Variants in DACH2 observed in about 807,000 individuals in gnomAD.
DACH2 encodes dachshund homolog 2.
In DACH2, 17 loss-of-function variants were observed where a neutral mutation model predicts 35.8. The ratio of observed to expected loss-of-function variants is 0.48; its 90% CI spans 0.33 to 0.71. DACH2 has a LOEUF of 0.71. Ranked by LOEUF, DACH2 falls within the 30% of genes least tolerant of loss-of-function variation. DACH2 has a pLI of 0.02. For missense variants in DACH2, 469 were observed against 472.7 expected, an observed-to-expected ratio of 0.99 and a Z score of 0.07; for synonymous variants, 195 against 177.3, an observed-to-expected ratio of 1.10 and a Z score of -0.79.
At chrX:86,266,020 C>A (rs1269815208) in intron 1 of DACH2, among the ~76,000 whole-genome samples, 2 of 111,333 alleles carry the variant, frequency 1.8e-5, no homozygotes, top group African/African-American at 3.3e-5. Flanking sequence ...TACTTTTTTA[C>A]TCTGCATGTA....
chrX:86,790,863 C>T (rs2042180625), intron 7 of DACH2, among the ~76,000 whole-genome samples: 1 of 111,395 alleles, frequency 9.0e-6, no homozygotes, highest in Admixed American at 9.6e-5. Flanking sequence ...TTTTGACTCT[C>T]CAAAAACTTA....
chrX:86,245,533 G>A (rs751316526), intron 1 of DACH2, among the ~76,000 whole-genome samples: 13 of 111,769 alleles, frequency 1.2e-4, no homozygotes, highest in East Asian at 5.6e-4. Context: ...TACTAGCCCC[G>A]CGAGGTTATA....
intron 3 of DACH2, among the ~76,000 whole-genome samples, chrX:86,522,803 A>G (rs777377113): frequency 4.5e-5 from 5 of 111,901 alleles, no homozygotes; most frequent in Non-Finnish European, 5.7e-5. Flanking sequence ...TCTGTAAAAC[A>G]TTTAGGGATA....
At chrX:86,373,293 G>T (rs1350804112) in intron 1 of DACH2, among the ~76,000 whole-genome samples, 1 of 111,315 alleles carries the variant, frequency 9.0e-6, no homozygotes. Context: ...CCTACCAAGA[G>T]TGTATAAGCA....
chrX:86,196,903 G>A (rs1043530392), intron 1 of DACH2, among the ~76,000 whole-genome samples: 1 of 109,510 alleles, frequency 9.1e-6, no homozygotes, highest in African/African-American at 3.3e-5. Flanking sequence ...TTCAGGAAAT[G>A]CAGAGAACCC....
intron 1 of DACH2, among the ~76,000 whole-genome samples, chrX:86,329,561 A>AT (rs57360476): frequency 0.15 from 15,869 of 107,973 alleles, 1,242 homozygotes; most frequent in African/African-American, 0.27. Flanking sequence ...AATCAAATAA[A>AT]TTTTTTTTTT....
At chrX:86,782,252 T>C (rs1259265282) in intron 7 of DACH2, among the ~76,000 whole-genome samples, 1 of 111,574 alleles carries the variant, frequency 9.0e-6, no homozygotes, top group Non-Finnish European at 1.9e-5. Flanking sequence ...TGTTAAAATG[T>C]CCATACTACC....
chrX:86,254,838 A>AGAGAGAGAGAGAG (rs1569318220), intron 1 of DACH2, among the ~76,000 whole-genome samples: 9 of 88,423 alleles, frequency 1.0e-4, no homozygotes, highest in African/African-American at 3.8e-4. Flanking sequence ...AGAGAGAGAG[A>AGAGAGAGAGAGAG]AGGTTTATAA....
chrX:86,733,041 G>C (rs1328301347), intron 6 of DACH2, among the ~76,000 whole-genome samples: 1 of 111,350 alleles, frequency 9.0e-6, no homozygotes, highest in Non-Finnish European at 1.9e-5. Context: ...AATTTGACCT[G>C]GTTGGTGTTT....
Position 86,622,677 on chromosome X carries a change from C to T in DACH2, c.641-28359C>T, listed in dbSNP as rs1219052814. 1.5e-4 allele frequency among the ~76,000 whole-genome samples: 17 copies of T among 111,644 alleles called. No homozygotes were observed. The Admixed American group carries it at 1.6e-3, about 11-fold the overall frequency. On this transcript the variant is annotated intron_variant, in intron 3 of 11. Coordinates refer to ENST00000373125, the MANE Select transcript of DACH2 (RefSeq NM_053281.3). ...TTGCTCATTAGTAATATAATTTTCTCCTTACCATTCATAGTTACTCCATGA... is the reference window on the plus strand; with the variant it reads ...TTGCTCATTAGTAATATAATTTTCTTCTTACCATTCATAGTTACTCCATGA...
intron 1 of DACH2, among the ~76,000 whole-genome samples, chrX:86,162,900 A>AT (rs1360952211): frequency 2.7e-5 from 3 of 110,310 alleles, no homozygotes; most frequent in African/African-American, 9.9e-5. Context: ...TTTTTAAGTT[A>AT]TTTTTTAAAA....
chrX:86,207,826 C>T (rs1030111192), intron 1 of DACH2, among the ~76,000 whole-genome samples: 6 of 111,058 alleles, frequency 5.4e-5, no homozygotes, highest in Non-Finnish European at 1.1e-4. Context: ...GCTTACACAT[C>T]CTAAAAAGGA....
intron 1 of DACH2, among the ~76,000 whole-genome samples, chrX:86,338,122 C>T (rs67551798): frequency 0.2 from 22,091 of 110,622 alleles, 2,702 homozygotes; most frequent in African/African-American, 0.45. Context: ...CAGACAGATA[C>T]TTTAACATCC....
At chrX:86,447,126 AC>A (rs1372186092) in intron 2 of DACH2, among the ~76,000 whole-genome samples, 1 of 98,575 alleles carries the variant, frequency 1.0e-5, no homozygotes, top group East Asian at 3.4e-4. Context: ...TCCTTTGCCC[AC>A]TTTTTGATGG....
intron 1 of DACH2, among the ~76,000 whole-genome samples, chrX:86,265,182 A>T (rs1437647253): frequency 8.9e-6 from 1 of 112,092 alleles, no homozygotes. Flanking sequence ...CTTTTTATAA[A>T]TGAATACATA....
At chrX:86,499,424 G>T (rs1353002501) in intron 2 of DACH2, among the ~76,000 whole-genome samples, 1 of 111,438 alleles carries the variant, frequency 9.0e-6, no homozygotes, top group Non-Finnish European at 1.9e-5. Context: ...TCCATGGTAT[G>T]ATCACAAAAA....
chrX:86,288,760 T>C (rs1035319899), intron 1 of DACH2, among the ~76,000 whole-genome samples: 1 of 111,397 alleles, frequency 9.0e-6, no homozygotes, highest in Non-Finnish European at 1.9e-5. Flanking sequence ...ATACTCTGAC[T>C]TTGGACTCAC....
intron 3 of DACH2, among the ~76,000 whole-genome samples, chrX:86,573,348 G>A (rs955624831): frequency 9.2e-6 from 1 of 108,855 alleles, no homozygotes; most frequent in African/African-American, 3.4e-5. Flanking sequence ...ACTCACTTCT[G>A]CCATTCATAT....
chrX:86,339,701 A>G (rs984692574), intron 1 of DACH2, among the ~76,000 whole-genome samples: 7 of 111,722 alleles, frequency 6.3e-5, no homozygotes, highest in Admixed American at 2.9e-4. Context: ...CCTGCACCAC[A>G]CTGCCTCTTA....
Sources: allele counts gnomAD v4.1 joint callset (sites outside exome capture counted in the v4.1 genomes callset), GRCh38; gene constraint gnomAD v4.1.1; transcripts MANE v1.5; gene names NCBI Gene and HGNC (gene_info 2026-07-23, HGNC 2026-07-21).